Variants in UBXN6 observed in about 807,000 individuals in gnomAD.
UBXN6 encodes the protein UBX domain protein 6, also known as UBX domain-containing protein 6.
UBXN6 carries 44 observed loss-of-function variants against 51.4 expected under a neutral mutation model. The observed-to-expected ratio is 0.86, with a 90% CI of 0.67 to 1.10. The LOEUF (loss-of-function observed/expected upper bound fraction) is 1.10, where lower values mean the gene tolerates loss of function less well. UBXN6 is among the 50% of genes least tolerant of loss of function. UBXN6 has a pLI of 0.00. For synonymous variants in UBXN6, 316 were observed against 263.2 expected (o/e 1.20, Z -1.94); for missense variants, 672 against 596.1 (o/e 1.13, Z -1.32).
Position 4,446,728 on chromosome 19 carries a change from T to C in UBXN6, c.701-9A>G. The stretch of plus-strand genomic sequence containing the variant: ...GAACTCCTCGGGGTCCTCTACAGCG[T>C]GGCAGGACATGGGTGTCACTGTGCA... On this transcript the variant is annotated splice_polypyrimidine_tract_variant and intron_variant, in intron 7 of 10. Coordinates refer to ENST00000301281, the MANE Select transcript of UBXN6 (RefSeq NM_025241.3). 1.2e-6 allele frequency: 2 copies of C among 1,608,508 alleles called. No homozygotes were observed. The highest frequency in any genetic ancestry group is 1.7e-6 in the Non-Finnish European group (2 of 1,176,580).
At chr19:4,456,507 C>T (rs1173054569) in intron 1 of UBXN6, among the ~76,000 whole-genome samples, 1 of 151,828 alleles carries the variant, frequency 6.6e-6, no homozygotes, top group East Asian at 1.9e-4. Flanking sequence ...AGTCCCTCTC[C>T]ATCAGTCCCC....
chr19:4,450,095 T>C (rs1422449419), intron 4 of UBXN6: 1 of 151,628 alleles, frequency 6.6e-6, no homozygotes, highest in African/African-American at 2.4e-5. Flanking sequence ...TGTGGTGGCG[T>C]GCACCTGTAG....
intron 1 of UBXN6, chr19:4,455,244 T>TA: frequency 1.0e-6 from 1 of 985,490 alleles, no homozygotes. Context: ...TTCTGTGCCG[T>TA]AGGTCTATTA....
Position 4,446,006 on chromosome 19 carries a change from C to T in UBXN6, c.1200+43G>A, listed in dbSNP as rs369043795. The T allele has an allele frequency of 2.9e-5, 45 of 1,563,054 alleles. No homozygotes were observed. The African/African-American group carries it at 5.8e-4, about 20-fold the overall frequency. On this transcript the variant is annotated intron_variant, in intron 10 of 10. Coordinates refer to ENST00000301281, the MANE Select transcript of UBXN6 (RefSeq NM_025241.3). ...TCTGTGCCGGTCCCAGGAGAACCTG[C>T]AGAGGCATCGGGTCAGCGGTGCTCC...
At chr19:4,445,943 C>T in intron 10 of UBXN6, 106 bp downstream of exon 10, 1 of 1,489,538 alleles carries the variant, frequency 6.7e-7, no homozygotes, top group South Asian at 1.3e-5. Context: ...TGCCCAGGCC[C>T]CCTGCTCTGA....
Position 4,446,421 on chromosome 19 carries a change from C to G in UBXN6, c.921-8G>C. The G allele has an allele frequency of 6.3e-7, 1 of 1,576,704 alleles. No homozygotes were observed. Among genetic ancestry groups the G allele is most frequent in the Non-Finnish European group, 8.6e-7 (1 of 1,167,810 alleles). ...CGCTCCACCGCCTCGGACCTGCACA[C>G]GCGGGCCAGGTCACGAGGGCTGGCC... On this transcript the variant is annotated splice_polypyrimidine_tract_variant and splice_region_variant and intron_variant, in intron 8 of 10. Transcript: ENST00000301281.
At chr19:4,451,526 T>G (rs571681600) in intron 4 of UBXN6, among the ~76,000 whole-genome samples, 2 of 152,272 alleles carry the variant, frequency 1.3e-5, no homozygotes, top group East Asian at 3.9e-4. Flanking sequence ...CTATTTTTTT[T>G]TGTTTTTGGC....
intron 1 of UBXN6, chr19:4,454,752 A>ACATC (rs939007931): frequency 6.6e-6 from 1 of 152,184 alleles, no homozygotes; most frequent in African/African-American, 2.4e-5. Context: ...AAGGGGTGTC[A>ACATC]CATCCTCCCT....
At position 4,453,446 on chromosome 19, in the gene UBXN6, G is replaced by A; in HGVS notation, c.312+12C>T. 1.2e-6 allele frequency: 2 copies of A among 1,612,500 alleles called. No homozygotes were observed. Among genetic ancestry groups the A allele is most frequent in the African/African-American group, 1.3e-5 (1 of 75,038 alleles). ...CTTGGCATGGGACAGTGCCACCAGT[G>A]GCTGTTCTTACCACGTTGGTCCCTG... On this transcript the variant is annotated intron_variant, in intron 3 of 10. Coordinates refer to ENST00000301281, the MANE Select transcript of UBXN6 (RefSeq NM_025241.3).
In UBXN6 at chr19:4,457,734, C is replaced by A; in HGVS notation, c.-37G>T. 1 of 1,041,196 alleles carries A rather than the reference C, an allele frequency of 9.6e-7. No individual in the cohort carries two copies. The allele number at this position is 1,041,196 out of a possible 1,614,324, so 64.5% of individuals were successfully genotyped here. On this transcript the variant is annotated 5_prime_UTR_variant, in exon 1 of 11. Transcript: ENST00000301281. ...GCCCGGCGGCGGGGGGCCGCGGGGG[C>A]GGGGGGGCACGGGGCCCAGTCGGGG...
At chr19:4,447,817 C>A (rs886511965) in intron 5 of UBXN6, 192 bp from the exon 6 acceptor site, 4 of 604,224 alleles carry the variant, frequency 6.6e-6, no homozygotes, top group African/African-American at 1.8e-5. Context: ...ATGGAGCCCA[C>A]CCCTGGTGCC....
chr19:4,455,821 C>T (rs1974732274), intron 1 of UBXN6, among the ~76,000 whole-genome samples: 1 of 152,158 alleles, frequency 6.6e-6, no homozygotes, highest in African/African-American at 2.4e-5. Context: ...TTCCCCACAG[C>T]TGAGTCTCAC....
chr19:4,446,844 T>C lies in UBXN6; in HGVS notation c.692A>G (p.Gln231Arg). 1 of 1,614,052 alleles carries C rather than the reference T, an allele frequency of 6.2e-7. No individual in the cohort carries two copies. The highest frequency in any genetic ancestry group is 1.6e-4 in the Middle Eastern group (1 of 6,062). Residue 231 changes from glutamine to arginine, a missense_variant, in exon 7 of 11, where the codon CAG (glutamine) becomes CGG (arginine). Coordinates refer to ENST00000301281, the MANE Select transcript of UBXN6 (RefSeq NM_025241.3). ...AGGCCCTGTCCACTTACCCTGATCC[T>C]GGGCGGGAAGCAACACCTTCTGGAA... ...IGFQKVLLPAQDQEDPEEFYV... is the reference protein window; with the variant it reads ...IGFQKVLLPARDQEDPEEFYV...
At chr19:4,447,861 C>A in intron 5 of UBXN6, 1 of 561,056 alleles carries the variant, frequency 1.8e-6, no homozygotes, top group Non-Finnish European at 3.2e-6. Flanking sequence ...CACCGTCCCA[C>A]CAGCCCTGGA....
rs777127794 is a variant in UBXN6 at position 4,446,488 on chromosome 19, C to T, written c.920+12G>A. 2.3e-5 allele frequency: 37 copies of T among 1,602,476 alleles called. No homozygotes were observed. The Admixed American group carries it at 2.9e-4, about 12-fold the overall frequency. On this transcript the variant is annotated intron_variant, in intron 8 of 10. Coordinates refer to ENST00000301281, the MANE Select transcript of UBXN6 (RefSeq NM_025241.3). ...GCCCCGCCCCACTCTGCTCCGCGGA[C>T]GTCAGGCCCACCTGAGCCTCTGCTC...
intron 10 of UBXN6, chr19:4,445,833 C>G: frequency 9.6e-7 from 1 of 1,041,666 alleles, no homozygotes; most frequent in East Asian, 2.6e-5. Context: ...CGCACGTCAC[C>G]GCTCCCATTT....
intron 1 of UBXN6, 28 bp from the exon 2 acceptor site, chr19:4,454,121 G>A (rs756954733): frequency 2.7e-5 from 40 of 1,502,226 alleles, no homozygotes; most frequent in Admixed American, 9.0e-5. Flanking sequence ...GAGAGTGAGT[G>A]TATCCTCCCG....
At chr19:4,455,639 G>A (rs1205868677) in intron 1 of UBXN6, among the ~76,000 whole-genome samples, 3 of 152,040 alleles carry the variant, frequency 2.0e-5, no homozygotes, top group Non-Finnish European at 4.4e-5. Context: ...CTGCCCTCCC[G>A]TGGCCTGTCT....
chr19:4,452,265 G>A, intron 4 of UBXN6, 99 bp downstream of exon 4: 1 of 1,520,982 alleles, frequency 6.6e-7, no homozygotes, highest in South Asian at 1.3e-5. Flanking sequence ...GGCCTCTGGG[G>A]ACTCTGGGAG....
Sources: gnomAD v4.1 joint callset for allele counts (sites outside exome capture counted in the v4.1 genomes callset) on GRCh38, gnomAD v4.1.1 for gene constraint, MANE v1.5 for transcripts, NCBI Gene and HGNC (gene_info 2026-07-23, HGNC 2026-07-21) for gene names.